SSUH2: variants seen among roughly 807,000 people sequenced by gnomAD.
The protein encoded by SSUH2 is protein SSUH2 homolog.
SSUH2 carries 47 observed loss-of-function variants against 55.3 expected under a neutral mutation model. That is an observed-to-expected ratio of 0.85 (90% CI 0.67 to 1.08). The LOEUF (loss-of-function observed/expected upper bound fraction) is 1.08. Ranked by LOEUF, SSUH2 falls within the 50% of genes least tolerant of loss-of-function variation. The pLI, the probability that SSUH2 is intolerant of heterozygous loss-of-function variation, is 0.00. For missense variants in SSUH2, 535 were observed against 490.7 expected (o/e 1.09, Z -0.85); for synonymous variants, 212 against 191.5 (o/e 1.11, Z -0.89).
At chr3:8,652,655 C>A (rs1190098108) in intron 7 of SSUH2, among the ~76,000 whole-genome samples, 1 of 152,200 alleles carries the variant, frequency 6.6e-6, no homozygotes, top group East Asian at 1.9e-4. Flanking sequence ...GCCTTTCCAG[C>A]CTTAGCCCTC....
intron 5 of SSUH2, among the ~76,000 whole-genome samples, chr3:8,666,399 T>C (rs554985208): frequency 1.3e-5 from 2 of 152,288 alleles, no homozygotes; most frequent in Admixed American, 6.5e-5. Flanking sequence ...CCAAGTATCT[T>C]AGGCTGGGCT....
At chr3:8,659,824 T>G (rs1054479970) in intron 6 of SSUH2, 5 of 455,540 alleles carry the variant, frequency 1.1e-5, no homozygotes, top group African/African-American at 6.0e-5. Flanking sequence ...GAGAGAGAGA[T>G]AGAGAAGGAG....
intron 6 of SSUH2, among the ~76,000 whole-genome samples, chr3:8,660,103 G>GT (rs1703327744): frequency 6.6e-6 from 1 of 152,240 alleles, no homozygotes; most frequent in Non-Finnish European, 1.5e-5. Context: ...AGGCGTGTTA[G>GT]TTTCCACAGG....
intron 10 of SSUH2, among the ~76,000 whole-genome samples, chr3:8,624,477 T>C (rs1697118473): frequency 6.6e-6 from 1 of 152,098 alleles, no homozygotes; most frequent in Admixed American, 6.5e-5. Flanking sequence ...ATGCCTGAGG[T>C]GAGCCTTTAA....
chr3:8,670,936 C>G (rs549287749), intron 5 of SSUH2: 25 of 354,772 alleles, frequency 7.0e-5, no homozygotes, highest in South Asian at 5.2e-4. Context: ...TCTGTGTACA[C>G]CCCGTGTGAC....
chr3:8,656,303 G>T (rs565266859), intron 7 of SSUH2, among the ~76,000 whole-genome samples: 2 of 152,218 alleles, frequency 1.3e-5, no homozygotes, highest in African/African-American at 2.4e-5. Context: ...AGGAACAAAG[G>T]TTTGGTCCAG....
At chr3:8,639,956 G>A in intron 1 of SSUH2, 1 of 985,304 alleles carries the variant, frequency 1.0e-6, no homozygotes, top group Non-Finnish European at 1.2e-6. Flanking sequence ...ACCACGATGG[G>A]TGTATTGTCG....
chr3:8,667,933 G>A (rs907929835), intron 5 of SSUH2, among the ~76,000 whole-genome samples: 4 of 152,034 alleles, frequency 2.6e-5, no homozygotes, highest in African/African-American at 4.8e-5. Flanking sequence ...ACCCACCCAC[G>A]GAGGGAGCTG....
At chr3:8,668,622 G>T (rs1364620090) in intron 5 of SSUH2, among the ~76,000 whole-genome samples, 1 of 152,194 alleles carries the variant, frequency 6.6e-6, no homozygotes, top group Non-Finnish European at 1.5e-5. Flanking sequence ...TAAACAAGCA[G>T]TGAGTACAAT....
chr3:8,636,426 C>T (rs754943084), intron 1 of SSUH2, among the ~76,000 whole-genome samples: 1 of 152,190 alleles, frequency 6.6e-6, no homozygotes, highest in African/African-American at 2.4e-5. Context: ...ATATCAGCCA[C>T]CTGCTGAATG....
chr3:8,676,995 C>G (rs1705415045), intron 3 of SSUH2, among the ~76,000 whole-genome samples: 1 of 148,954 alleles, frequency 6.7e-6, no homozygotes, highest in Non-Finnish European at 1.5e-5. Context: ...GTACCTCTTC[C>G]CCCCCTGGCT....
chr3:8,664,471 G>C (rs151114190), intron 5 of SSUH2, among the ~76,000 whole-genome samples: 4 of 151,732 alleles, frequency 2.6e-5, no homozygotes, highest in African/African-American at 9.6e-5. Flanking sequence ...CAAAATTTCT[G>C]AGCAATTTTT....
At chr3:8,623,484 G>A (rs1157313038) in intron 11 of SSUH2, 65 bp downstream of exon 11, 1 of 1,005,758 alleles carries the variant, frequency 9.9e-7, no homozygotes, top group South Asian at 1.4e-5. Flanking sequence ...GACGTTCTCA[G>A]GAAAGAGGGC....
chr3:8,626,556 C>G (rs1487257555), intron 8 of SSUH2, among the ~76,000 whole-genome samples: 9 of 149,560 alleles, frequency 6.0e-5, no homozygotes, highest in Non-Finnish European at 4.5e-5. Flanking sequence ...CCTCCCCCAC[C>G]ACTAAATTCT....
chr3:8,678,885 TTG>T (rs1559567139), intron 2 of SSUH2, among the ~76,000 whole-genome samples: 10 of 103,778 alleles, frequency 9.6e-5, no homozygotes, highest in Non-Finnish European at 1.7e-4. Flanking sequence ...AGGATCCCCA[TTG>T]CAAGGGAGGG....
intron 1 of SSUH2, among the ~76,000 whole-genome samples, chr3:8,644,231 C>T (rs1701354019): frequency 1.3e-5 from 2 of 152,102 alleles, no homozygotes; most frequent in African/African-American, 2.4e-5. Context: ...ACGAGTGAAG[C>T]CTTTTCCCGA....
intron 1 of SSUH2, among the ~76,000 whole-genome samples, chr3:8,641,997 A>G (rs1004086036): frequency 2.0e-4 from 31 of 152,136 alleles, no homozygotes; most frequent in African/African-American, 6.5e-4. Context: ...CGTGATCTCA[A>G]TCCTGCCCCT....
Position 8,630,920 on chromosome 3 carries a change from A to G in SSUH2, c.410T>C (p.Val137Ala). ...GGAGGCGCCTCTTTGCGGCCCATCC[A>G]CAGAGTGGTCTGACACAGAAAGGGG... ...WTFQPFTNHSVDGPQRGASPR... is the reference protein window; with the variant it reads ...WTFQPFTNHSADGPQRGASPR... The change falls in exon 6 of 12, where the codon GTG (valine) becomes GCG (alanine). Residue 137 changes from valine (V) to alanine (A), a missense_variant. Physicochemically the swap from Val to Ala is moderately conservative, Grantham distance 64. Transcript: ENST00000544814. 7.0e-7 allele frequency: 1 copy of G among 1,435,450 alleles called. No individual in the cohort carries two copies. The allele number at this position is 1,435,450 out of a possible 1,614,324, so 88.9% of individuals were successfully genotyped here. A position where few individuals can be genotyped will look rare whatever the true frequency, so the allele number is the denominator to read the frequency against.
At chr3:8,654,364 C>A (rs949115848) in intron 7 of SSUH2, among the ~76,000 whole-genome samples, 1 of 152,196 alleles carries the variant, frequency 6.6e-6, no homozygotes, top group Non-Finnish European at 1.5e-5. Context: ...TTCTTTCACT[C>A]AACATCATGT....
Sources: gnomAD v4.1 joint callset for allele counts (sites outside exome capture counted in the v4.1 genomes callset) on GRCh38, gnomAD v4.1.1 for gene constraint, MANE v1.5 for transcripts, NCBI Gene and HGNC (gene_info 2026-07-23, HGNC 2026-07-21) for gene names.